The following ACSM1 variants were observed in gnomAD, a reference collection of about 807,000 sequenced individuals.
ACSM1 encodes the protein acyl-coenzyme A synthetase ACSM1, mitochondrial.
A neutral mutation model predicts 75.8 loss-of-function variants in ACSM1; 79 were observed. The ratio of observed to expected loss-of-function variants is 1.04; its 90% CI spans 0.87 to 1.26. The LOEUF is 1.26. Among genes scored for constraint, ACSM1 ranks in the 50% most tolerant of loss-of-function variants. The probability of loss-of-function intolerance (pLI) is 0.00; values close to 1 mark genes in which losing one functional copy is unlikely to be tolerated. For missense variants in ACSM1, 676 were observed against 720.1 expected (o/e 0.94, Z 0.70); for synonymous variants, 279 against 265.8 (o/e 1.05, Z -0.48).
intron 10 of ACSM1, among the ~76,000 whole-genome samples, chr16:20,633,982 T>C (rs964100071): frequency 6.6e-6 from 1 of 152,174 alleles, no homozygotes; most frequent in African/African-American, 2.4e-5. Flanking sequence ...CCTCAAAACT[T>C]ACTACAAAAC....
intron 7 of ACSM1, among the ~76,000 whole-genome samples, chr16:20,644,601 T>C (rs2018258836): frequency 6.6e-6 from 1 of 150,676 alleles, no homozygotes; most frequent in South Asian, 2.1e-4. Flanking sequence ...CAGTAATTGA[T>C]AGGGAAACTC....
intron 6 of ACSM1, among the ~76,000 whole-genome samples, chr16:20,663,045 A>G (rs537889224): frequency 6.6e-5 from 10 of 152,244 alleles, no homozygotes; most frequent in African/African-American, 2.4e-4. Flanking sequence ...TCCTGGGTCC[A>G]GGGCCTAAAC....
intron 7 of ACSM1, among the ~76,000 whole-genome samples, chr16:20,645,007 T>A (rs957389909): frequency 7.9e-5 from 12 of 152,220 alleles, no homozygotes; most frequent in African/African-American, 2.9e-4. Context: ...TGAATTTGCA[T>A]AAGAACAGTT....
chr16:20,662,756 C>A (rs2019361906), intron 6 of ACSM1, among the ~76,000 whole-genome samples: 1 of 152,172 alleles, frequency 6.6e-6, no homozygotes, highest in African/African-American at 2.4e-5. Context: ...AGCTTTCAAT[C>A]TCTAGCCTCT....
At chr16:20,670,009 T>G in intron 5 of ACSM1, 23 bp from the exon 6 acceptor site, 4 of 1,612,702 alleles carry the variant, frequency 2.5e-6, no homozygotes, top group Non-Finnish European at 3.4e-6. Context: ...TGCAGTGGCC[T>G]CAGCTGTGTG....
chr16:20,682,519 T>A, intron 3 of ACSM1, 56 bp from the exon 4 acceptor site: 1 of 1,445,636 alleles, frequency 6.9e-7, no homozygotes, highest in Non-Finnish European at 9.7e-7. Context: ...CCATGGGCTT[T>A]AGACTTGGCT....
At chr16:20,672,864 A>G (rs60890968) in intron 4 of ACSM1, among the ~76,000 whole-genome samples, 2 of 129,880 alleles carry the variant, frequency 1.5e-5, no homozygotes, top group Non-Finnish European at 3.1e-5. Context: ...TGTAATATAT[A>G]ATATATAAAT....
chr16:20,691,814 C>A, intron 1 of ACSM1, among the ~76,000 whole-genome samples: 1 of 132,902 alleles, frequency 7.5e-6, no homozygotes, highest in Non-Finnish European at 1.6e-5. Context: ...TGTTTCTAAA[C>A]AGATTTAAAT....
rs181459409 is a variant in ACSM1 at position 20,678,925 on chromosome 16, C to A, written c.611+3331G>T. Among the ~76,000 whole-genome samples the A allele has an allele frequency of 1.6e-3, 244 of 152,242 alleles. 1 individual carries two copies. The highest frequency in any genetic ancestry group is 3.4e-3 in the Middle Eastern group (1 of 294). On this transcript the variant is annotated intron_variant, in intron 4 of 13. Transcript: ENST00000520010. ...AGATTTTGTTCAGCCGGCCACCCCCCATCATCTGTAGACTAGAAGAAGTAA... is the reference window on the plus strand; with the variant it reads ...AGATTTTGTTCAGCCGGCCACCCCCAATCATCTGTAGACTAGAAGAAGTAA...
At chr16:20,629,323 T>G (rs916572361) in intron 10 of ACSM1, among the ~76,000 whole-genome samples, 2 of 151,522 alleles carry the variant, frequency 1.3e-5, no homozygotes, top group Admixed American at 6.6e-5. Flanking sequence ...AGGAGTACAG[T>G]TTTTTTTTAT....
In ACSM1 at chr16:20,627,225, A is replaced by C; in HGVS notation, c.1391T>G (p.Phe464Cys). ...AATGATGTCATCACTCCTCCCCAGG[A>C]AACAAATGTAGCCCTCTTCATCCAT... ...GKMDEEGYIC[F>C]LGRSDDIINA... is the part of the protein sequence containing the mutation. The change falls in exon 11 of 14, where the codon TTC becomes TGC. Residue 464 changes from phenylalanine to cysteine, a missense_variant. By Grantham distance (205) the Phe-to-Cys change is radical. Transcript: ENST00000520010. 1.3e-6 allele frequency: 2 copies of C among 1,576,488 alleles called. No homozygotes were observed. Among genetic ancestry groups the C allele is most frequent in the Non-Finnish European group, 1.7e-6 (2 of 1,163,804 alleles).
At chr16:20,672,471 A>AAAAAAAATATAT (rs1555473775) in intron 4 of ACSM1, among the ~76,000 whole-genome samples, 49 of 64,558 alleles carry the variant, frequency 7.6e-4, no homozygotes, top group East Asian at 1.3e-3. Flanking sequence ...AAAAAAAAAA[A>AAAAAAAATATAT]ATATATATAT....
intron 7 of ACSM1, among the ~76,000 whole-genome samples, chr16:20,647,534 G>T (rs973147599): frequency 1.3e-5 from 2 of 152,158 alleles, no homozygotes; most frequent in African/African-American, 4.8e-5. Context: ...AGATATGTGG[G>T]AAGCATTCAA....
chr16:20,654,267 T>G (rs993401796), intron 7 of ACSM1, among the ~76,000 whole-genome samples: 1 of 152,192 alleles, frequency 6.6e-6, no homozygotes, highest in South Asian at 2.1e-4. Context: ...GATTAAAGAC[T>G]GAAATGTTAG....
At chr16:20,659,586 C>A (rs1255038049) in intron 7 of ACSM1, among the ~76,000 whole-genome samples, 3 of 152,100 alleles carry the variant, frequency 2.0e-5, no homozygotes, top group African/African-American at 7.2e-5. Context: ...AAATATTGTA[C>A]CCCAAAACAT....
intron 3 of ACSM1, 140 bp downstream of exon 3, chr16:20,685,053 T>C (rs1464066215): frequency 3.7e-6 from 3 of 811,600 alleles, no homozygotes; most frequent in Non-Finnish European, 6.0e-6. Flanking sequence ...AAGCCTTGCT[T>C]TGTGGTCCCA....
chr16:20,639,765 T>G (rs574424430), intron 8 of ACSM1, among the ~76,000 whole-genome samples: 1 of 152,324 alleles, frequency 6.6e-6, no homozygotes, highest in East Asian at 1.9e-4. Flanking sequence ...GCACATCTGC[T>G]GGGCTCAATC....
chr16:20,674,174 G>A (rs1411400716), intron 4 of ACSM1: 5 of 412,524 alleles, frequency 1.2e-5, no homozygotes, highest in African/African-American at 2.1e-5. Flanking sequence ...AAACCCAGTT[G>A]CCCCAGAGGA....
intron 4 of ACSM1, chr16:20,674,364 A>AACTCAAT: frequency 4.6e-6 from 1 of 218,646 alleles, no homozygotes; most frequent in South Asian, 5.3e-5. Context: ...AAAGTAAGAA[A>AACTCAAT]TGATGTAATG....
Sources: allele counts gnomAD v4.1 joint callset (sites outside exome capture counted in the v4.1 genomes callset), GRCh38; gene constraint gnomAD v4.1.1; transcripts MANE v1.5; gene names NCBI Gene and HGNC (gene_info 2026-07-23, HGNC 2026-07-21).